The following RANBP2 variants were observed in gnomAD, a reference collection of about 807,000 sequenced individuals.
RANBP2 encodes E3 SUMO-protein ligase RanBP2.
A neutral mutation model predicts 303.6 loss-of-function variants in RANBP2; 57 were observed. The observed-to-expected ratio is 0.19, with a 90% CI of 0.15 to 0.23. RANBP2 has a LOEUF of 0.23. Ranked by LOEUF, RANBP2 falls within the 10% of genes least tolerant of loss-of-function variation. RANBP2 has a pLI of 1.00. For synonymous variants in RANBP2, 1,167 were observed against 1,301.5 expected (o/e 0.90, Z 2.23); for missense variants, 3,138 against 3,780.8 (o/e 0.83, Z 4.46).
chr2:108,907,138 A>C, the RANBP2 span, among the ~76,000 whole-genome samples: 1 of 152,056 alleles, frequency 6.6e-6, no homozygotes, highest in Admixed American at 6.5e-5. Flanking sequence ...AGGTGATAAA[A>C]CCCTGGGGAC....
chr2:109,416,936 C>T, the RANBP2 span, among the ~76,000 whole-genome samples: 1 of 151,450 alleles, frequency 6.6e-6, no homozygotes, highest in South Asian at 2.1e-4. Flanking sequence ...AATTGTATGT[C>T]CAGTGCTTGG....
chr2:109,456,257 G>A, the RANBP2 span, among the ~76,000 whole-genome samples: 8 of 152,220 alleles, frequency 5.3e-5, no homozygotes, highest in Admixed American at 1.3e-4. Context: ...AGTCAGCCCC[G>A]TGTGGCTGGG....
the RANBP2 span, among the ~76,000 whole-genome samples, chr2:109,491,516 G>A: frequency 1.3e-5 from 2 of 152,106 alleles, no homozygotes; most frequent in Admixed American, 1.3e-4. Flanking sequence ...ACATAGTTCA[G>A]CCTAGGTTTT....
At chr2:109,132,062 A>T in the RANBP2 span, among the ~76,000 whole-genome samples, 1 of 152,198 alleles carries the variant, frequency 6.6e-6, no homozygotes, top group Non-Finnish European at 1.5e-5. Context: ...TACTTTTGGT[A>T]CTTTACTGTC....
chr2:109,608,972 A>G, the RANBP2 span, among the ~76,000 whole-genome samples: 2 of 152,242 alleles, frequency 1.3e-5, no homozygotes, highest in African/African-American at 4.8e-5. Flanking sequence ...ATTCTTGAAG[A>G]GAGGGACTCT....
the RANBP2 span, among the ~76,000 whole-genome samples, chr2:109,181,017 C>G: frequency 6.6e-6 from 1 of 152,168 alleles, no homozygotes; most frequent in African/African-American, 2.4e-5. Flanking sequence ...CCAATTTTCC[C>G]CTTCTTGACA....
chr2:109,307,677 G>T, the RANBP2 span, among the ~76,000 whole-genome samples: 2 of 145,192 alleles, frequency 1.4e-5, no homozygotes, highest in African/African-American at 2.7e-5. Flanking sequence ...TGTGGTGTTT[G>T]GTTTTTTGCT....
At chr2:108,996,246 T>C in the RANBP2 span, among the ~76,000 whole-genome samples, 1 of 152,156 alleles carries the variant, frequency 6.6e-6, no homozygotes, top group Admixed American at 6.5e-5. Flanking sequence ...CCCAGGAAGG[T>C]CTGAGTCTGG....
At chr2:109,297,657 C>T in the RANBP2 span, among the ~76,000 whole-genome samples, 30 of 151,764 alleles carry the variant, frequency 2.0e-4, no homozygotes, top group South Asian at 5.2e-3. Flanking sequence ...GCCAGTGTCC[C>T]CCACCCTGGT....
the RANBP2 span, among the ~76,000 whole-genome samples, chr2:109,115,690 T>A: frequency 3.3e-5 from 5 of 152,230 alleles, no homozygotes; most frequent in Admixed American, 2.0e-4. Context: ...TAGCTGGTTA[T>A]TTTGCTCGTT....
At chr2:109,172,737 G>T in the RANBP2 span, among the ~76,000 whole-genome samples, 4 of 152,206 alleles carry the variant, frequency 2.6e-5, no homozygotes, top group Non-Finnish European at 5.9e-5. Flanking sequence ...GCTCTGGCAG[G>T]GATGCTGGAC....
chr2:109,341,990 A>G, the RANBP2 span, among the ~76,000 whole-genome samples: 1 of 152,200 alleles, frequency 6.6e-6, no homozygotes, highest in Admixed American at 6.5e-5. Flanking sequence ...CAGACCCCGC[A>G]GTGCTTGGTG....
the RANBP2 span, among the ~76,000 whole-genome samples, chr2:109,321,661 G>T: frequency 1.3e-5 from 2 of 152,230 alleles, no homozygotes; most frequent in African/African-American, 4.8e-5. Context: ...TGGCAGAAGG[G>T]ATCTGGCAAA....
chr2:109,373,240 C>T, the RANBP2 span, among the ~76,000 whole-genome samples: 25 of 152,318 alleles, frequency 1.6e-4, no homozygotes, highest in African/African-American at 5.3e-4. Flanking sequence ...GAACTTAATG[C>T]GCGAATACCA....
chr2:109,680,563 A>G, the RANBP2 span, among the ~76,000 whole-genome samples: 5 of 152,202 alleles, frequency 3.3e-5, no homozygotes, highest in African/African-American at 1.2e-4. Context: ...AATGTTAAAA[A>G]TGTGTGTTGA....
chr2:109,443,262 T>C, the RANBP2 span, among the ~76,000 whole-genome samples: 1 of 152,228 alleles, frequency 6.6e-6, no homozygotes, highest in African/African-American at 2.4e-5. Context: ...GGCTGCCCTA[T>C]TAACAGGTGC....
At chr2:109,046,040 C>A in the RANBP2 span, among the ~76,000 whole-genome samples, 1 of 152,134 alleles carries the variant, frequency 6.6e-6, no homozygotes, top group East Asian at 1.9e-4. Context: ...CATGGTGTCT[C>A]ACACCTGTAA....
At chr2:109,385,360 C>G in the RANBP2 span, among the ~76,000 whole-genome samples, 1 of 152,364 alleles carries the variant, frequency 6.6e-6, no homozygotes, top group East Asian at 1.9e-4. Flanking sequence ...CCAGTGTCCC[C>G]TGAGTCACCT....
chr2:109,542,304 C>T, the RANBP2 span, among the ~76,000 whole-genome samples: 152 of 152,238 alleles, frequency 1.0e-3, 4 homozygotes, highest in East Asian at 7.9e-3. Flanking sequence ...ATTCACATTG[C>T]GGCTGAAGCA....
Sources: allele counts gnomAD v4.1 joint callset (sites outside exome capture counted in the v4.1 genomes callset), GRCh38; gene constraint gnomAD v4.1.1; transcripts MANE v1.5; gene names NCBI Gene and HGNC (gene_info 2026-07-23, HGNC 2026-07-21).